ANKS1A: variants seen among roughly 807,000 people sequenced by gnomAD.
The protein encoded by ANKS1A is ankyrin repeat and SAM domain-containing protein 1A.
ANKS1A carries 55 observed loss-of-function variants against 120.3 expected under a neutral mutation model. The ratio of observed to expected loss-of-function variants is 0.46; its 90% CI spans 0.37 to 0.57. ANKS1A has a LOEUF of 0.57. ANKS1A is among the 20% of genes least tolerant of loss of function. The probability of loss-of-function intolerance (pLI) is 0.00; values close to 1 mark genes in which losing one functional copy is unlikely to be tolerated. For synonymous variants in ANKS1A, 590 were observed against 604.7 expected, an observed-to-expected ratio of 0.98 and a Z score of 0.36; for missense variants, 1,123 against 1,480.3, an observed-to-expected ratio of 0.76 and a Z score of 3.96.
chr6:34,986,783 G>A (rs146723249), intron 8 of ANKS1A, among the ~76,000 whole-genome samples: 21 of 152,358 alleles, frequency 1.4e-4, no homozygotes, highest in Admixed American at 1.2e-3. Context: ...CTCCTTGTGA[G>A]CGGTGAAAGC....
At chr6:35,080,347 C>T (rs952403692) in intron 16 of ANKS1A, among the ~76,000 whole-genome samples, 1 of 152,236 alleles carries the variant, frequency 6.6e-6, no homozygotes, top group Non-Finnish European at 1.5e-5. Context: ...TGATCTGTTG[C>T]TCCTGCCGGT....
Position 35,081,162 on chromosome 6 carries a change from G to A in ANKS1A, c.2709+4G>A. The stretch of plus-strand genomic sequence containing the variant: ...AGCGGAGCGCTTCAGGATCCAGGTG[G>A]GGCAGGGGGAGTGGAGGTGCAGCCA... On this transcript the variant is annotated splice_donor_region_variant and intron_variant, in intron 17 of 23. Transcript: ENST00000360359. 1 of 1,605,234 alleles carries A rather than the reference G, an allele frequency of 6.2e-7. No individual in the cohort carries two copies. Among genetic ancestry groups the A allele is most frequent in the East Asian group, 2.2e-5 (1 of 44,686 alleles).
rs1776269904 is a variant in ANKS1A at position 35,057,299 on chromosome 6, C to G, written c.2078-2848C>G. The stretch of plus-strand genomic sequence containing the variant: ...ATTCTCAGGAGTCCAGGAGGGTATG[C>G]CTTCCCACTGGCCCAGGCCACTCTG... On this transcript the variant is annotated intron_variant, in intron 12 of 23. Coordinates refer to ENST00000360359, the MANE Select transcript of ANKS1A (RefSeq NM_015245.3). This position sits in a 1 kb window ranked among gnomAD's most constrained non-coding sequence, Gnocchi z 4.1. 6.6e-6 allele frequency among the ~76,000 whole-genome samples: 1 copy of G among 152,106 alleles called. No individual in the cohort carries two copies. The highest frequency in any genetic ancestry group is 2.4e-5 in the African/African-American group (1 of 41,436).
At chr6:35,092,519 T>A (rs992043627), downstream of ANKS1A, among the ~76,000 whole-genome samples, 81 of 152,124 alleles carry the variant, frequency 5.3e-4, no homozygotes, top group Non-Finnish European at 6.9e-4. Context: ...CTGCGTTGAG[T>A]TGGGAAAGTC....
At position 35,085,941 on chromosome 6, in the gene ANKS1A, G is replaced by A. The variant is rs375048650; in HGVS notation, c.3303+5G>A. ...GTCGGCGTGAGGAAATCCGCAGTAC[G>A]TGGGCCCCACTGGCCAAGATCCCCC... On this transcript the variant is annotated splice_donor_5th_base_variant and intron_variant, in intron 22 of 23. Coordinates refer to ENST00000360359, the MANE Select transcript of ANKS1A (RefSeq NM_015245.3). This position sits in a 1 kb window ranked among gnomAD's most constrained non-coding sequence, Gnocchi z 4.7. The A allele has an allele frequency of 5.6e-6, 9 of 1,594,514 alleles. No individual in the cohort carries two copies. The highest frequency in any genetic ancestry group is 3.4e-5 in the Admixed American group (2 of 58,664).
At position 35,079,550 on chromosome 6, in the gene ANKS1A, C is replaced by G; in HGVS notation, c.2318C>G (p.Pro773Arg). ...CTGGGTTATGACGGGAACAGCCCCC[C>G]TAGCGTGCCCTCCTGGCTGGACTCC... ...KALGYDGNSP[P>R]SVPSWLDSLG... The change falls in exon 15 of 24, where the codon CCT becomes CGT. Residue 773 changes from proline (P) to arginine (R), a missense_variant. Physicochemically the swap from Pro to Arg is moderately radical, Grantham distance 103. Coordinates refer to ENST00000360359, the MANE Select transcript of ANKS1A (RefSeq NM_015245.3). The G allele has an allele frequency of 1.1e-5, 18 of 1,613,778 alleles. No individual in the cohort carries two copies. Among genetic ancestry groups the G allele is most frequent in the Non-Finnish European group, 1.5e-5 (18 of 1,179,814 alleles).
chr6:34,945,602 C>A (rs992573148), intron 1 of ANKS1A, among the ~76,000 whole-genome samples: 1 of 152,200 alleles, frequency 6.6e-6, no homozygotes, highest in East Asian at 1.9e-4. Context: ...TCACCCATCA[C>A]ACACTGTCTT....
intron 11 of ANKS1A, among the ~76,000 whole-genome samples, chr6:35,023,303 G>A (rs1048177435): frequency 6.6e-6 from 1 of 152,162 alleles, no homozygotes; most frequent in Non-Finnish European, 1.5e-5. Flanking sequence ...TTTTCCTGCA[G>A]GGACCCTGAG....
intron 9 of ANKS1A, among the ~76,000 whole-genome samples, chr6:34,993,629 T>C (rs3800439): frequency 0.12 from 18,931 of 152,290 alleles, 1,338 homozygotes; most frequent in East Asian, 0.34. Flanking sequence ...TCAGGACCTC[T>C]GAAGAAAAGC....
intron 11 of ANKS1A, chr6:35,023,796 A>G: frequency 3.7e-6 from 1 of 266,980 alleles, no homozygotes; most frequent in Non-Finnish European, 7.6e-6. Flanking sequence ...TTATTTAGAG[A>G]TGGTGACATT....
At chr6:35,002,889 G>A (rs368792212) in intron 10 of ANKS1A, among the ~76,000 whole-genome samples, 7 of 150,606 alleles carry the variant, frequency 4.6e-5, no homozygotes, top group African/African-American at 1.2e-4. Flanking sequence ...AGTTCAAACC[G>A]CACAGATAAA....
chr6:35,039,845 A>T (rs984450461), intron 11 of ANKS1A, among the ~76,000 whole-genome samples: 1 of 152,224 alleles, frequency 6.6e-6, no homozygotes, highest in Admixed American at 6.5e-5. Context: ...GGCTTAAACA[A>T]CAGATGTTTA....
intron 11 of ANKS1A, among the ~76,000 whole-genome samples, chr6:35,024,096 A>G (rs1298403222): frequency 6.6e-6 from 1 of 152,200 alleles, no homozygotes; most frequent in African/African-American, 2.4e-5. Flanking sequence ...AGCCTTTCCC[A>G]CTTCCTACTA....
intron 10 of ANKS1A, among the ~76,000 whole-genome samples, chr6:35,011,226 T>TA (rs931170104): frequency 6.6e-6 from 1 of 152,230 alleles, no homozygotes; most frequent in African/African-American, 2.4e-5. Context: ...AGTCAGTTGT[T>TA]TCTTGAGTAT....
At chr6:34,896,364 C>T (rs561191887) in intron 1 of ANKS1A, among the ~76,000 whole-genome samples, 7 of 152,218 alleles carry the variant, frequency 4.6e-5, no homozygotes, top group East Asian at 3.9e-4. Flanking sequence ...TGAGCCCCCA[C>T]GCCCAGCCAA....
chr6:35,018,146 C>T, intron 11 of ANKS1A, 87 bp downstream of exon 11: 1 of 1,372,410 alleles, frequency 7.3e-7, no homozygotes, highest in Non-Finnish European at 1.0e-6. Context: ...ACTCTCAGGC[C>T]CAGGATCTGG....
intron 1 of ANKS1A, among the ~76,000 whole-genome samples, chr6:34,932,668 A>G (rs1769047527): frequency 6.6e-6 from 1 of 152,358 alleles, no homozygotes; most frequent in African/African-American, 2.4e-5. Context: ...TACAGGCATG[A>G]GCCACCATGC....
At chr6:34,960,929 C>T (rs1211351401) in intron 1 of ANKS1A, among the ~76,000 whole-genome samples, 2 of 152,148 alleles carry the variant, frequency 1.3e-5, no homozygotes, top group Non-Finnish European at 2.9e-5. Context: ...TGACAAGTGG[C>T]GGAGGCGAGT....
rs1189416471 is a variant in ANKS1A, at chr6:35,075,078, C to G, written c.2185-3480C>G. 2.6e-5 allele frequency among the ~76,000 whole-genome samples: 4 copies of G among 152,182 alleles called. 1 individual carries two copies. Among genetic ancestry groups the G allele is most frequent in the Non-Finnish European group, 5.9e-5 (4 of 68,034 alleles). On this transcript the variant is annotated intron_variant, in intron 13 of 23. Coordinates refer to ENST00000360359, the MANE Select transcript of ANKS1A (RefSeq NM_015245.3). Reference sequence around the variant, plus strand: ...ATTCCAGATTGGGGGGAAAAGATAGCTCATCAAGAAATGGACAGCTTGCTG... The same window carrying G: ...ATTCCAGATTGGGGGGAAAAGATAGGTCATCAAGAAATGGACAGCTTGCTG...
Sources: gnomAD v4.1 joint callset for allele counts (sites outside exome capture counted in the v4.1 genomes callset) on GRCh38, gnomAD v4.1.1 for gene constraint, Gnocchi (gnomAD v3.1) non-coding constraint, MANE v1.5 for transcripts, NCBI Gene and HGNC (gene_info 2026-07-23, HGNC 2026-07-21) for gene names.